PPOX: variants seen among roughly 807,000 people sequenced by gnomAD.
PPOX encodes variegate porphyria.
Under a neutral mutation model 54.1 loss-of-function variants are expected in PPOX, and 23 were observed. The ratio of observed to expected loss-of-function variants is 0.43; its 90% confidence interval spans 0.31 to 0.60. PPOX has a LOEUF of 0.60. Ranked by LOEUF, PPOX falls within the 20% of genes least tolerant of loss-of-function variation. The probability of loss-of-function intolerance (pLI) is 0.13; values close to 1 mark genes in which losing one functional copy is unlikely to be tolerated. For synonymous variants in PPOX, 224 were observed against 236.1 expected (o/e 0.95, Z 0.47); for missense variants, 512 against 601.1 (o/e 0.85, Z 1.55).
At chr1:161,177,227 GCCCAT>G (rs1663948069), downstream of PPOX, 1 of 690,098 alleles carries the variant, frequency 1.4e-6, no homozygotes, top group Non-Finnish European at 2.4e-6. Flanking sequence ...TTCGGAGCAC[GCCCAT>G]CCTATCCCAG....
exon 5 of PPOX, chr1:161,177,006 G>A: frequency 6.5e-7 from 1 of 1,536,060 alleles, no homozygotes; most frequent in Non-Finnish European, 8.7e-7. Context: ...GGGGCTGTAA[G>A]CGAACAGCCC....
At chr1:161,168,613 G>C in intron 6 of PPOX, 37 bp downstream of exon 6, 2 of 1,608,042 alleles carry the variant, frequency 1.2e-6, no homozygotes, top group Non-Finnish European at 1.7e-6. Flanking sequence ...AAAATATTAA[G>C]TACTGCCAAA....
At chr1:161,169,802 C>T (rs1467782989) in intron 8 of PPOX, 82 bp downstream of exon 8, 3 of 1,612,562 alleles carry the variant, frequency 1.9e-6, no homozygotes, top group Non-Finnish European at 1.7e-6. Context: ...AGCAGGACCA[C>T]ACCATGCCCC....
intron 3 of PPOX, 48 bp downstream of exon 3, chr1:161,167,282 A>C (rs1659321274): frequency 6.2e-7 from 1 of 1,614,010 alleles, no homozygotes; most frequent in African/African-American, 1.3e-5. Flanking sequence ...GGGGGCTTCC[A>C]TTGGGGAATA....
At chr1:161,166,295 C>G (rs1318521354), upstream of PPOX, 1 of 1,020,438 alleles carries the variant, frequency 9.8e-7, no homozygotes, top group Non-Finnish European at 1.2e-6. Flanking sequence ...TAACCTCCAG[C>G]TCTTACAGCT....
downstream of PPOX, chr1:161,174,146 G>A (rs562984900): frequency 1.1e-4 from 145 of 1,316,728 alleles, no homozygotes; most frequent in South Asian, 2.6e-4. Context: ...GGTGGCTTAC[G>A]CCTGTAATCC....
At chr1:161,166,738 C>T in intron 1 of PPOX, 66 bp downstream of exon 1, 2 of 1,562,042 alleles carry the variant, frequency 1.3e-6, no homozygotes, top group East Asian at 2.4e-5. Flanking sequence ...ACTTAGTTTC[C>T]CCTAAAGCAG....
chr1:161,168,385 C>T, intron 5 of PPOX, 47 bp from the exon 6 acceptor site: 1 of 1,613,410 alleles, frequency 6.2e-7, no homozygotes, highest in Non-Finnish European at 8.5e-7. Context: ...GGAAATCAGT[C>T]AGTGTAGATT....
At chr1:161,175,310 A>G (rs544679689), downstream of PPOX, 271 of 1,246,678 alleles carry the variant, frequency 2.2e-4, no homozygotes, top group Middle Eastern at 6.4e-4. Context: ...TACCTCTGAC[A>G]CTGGCAGTCT....
chr1:161,174,985 G>A (rs750115218), downstream of PPOX: 1 of 1,612,156 alleles, frequency 6.2e-7, no homozygotes, highest in Non-Finnish European at 8.5e-7. Flanking sequence ...GGTGGAGATT[G>A]GGGGTACCTG....
Position 161,168,973 on chromosome 1 carries a change from C to T in PPOX, c.617-20C>T, listed in dbSNP as rs770313262. 1.2e-6 allele frequency: 2 copies of T among 1,612,908 alleles called. No individual in the cohort carries two copies. Among genetic ancestry groups the T allele is most frequent in the Non-Finnish European group, 1.7e-6 (2 of 1,179,998 alleles). On this transcript the variant is annotated intron_variant, in intron 6 of 12. Coordinates refer to ENST00000367999, the MANE Select transcript of PPOX (RefSeq NM_001122764.3). Reference sequence around the variant, plus strand: ...GCCACTGCATCCAGCCTCAATGATTCTTCTTTGCTTCCTCTGCAGGGCGGA... The same window carrying T: ...GCCACTGCATCCAGCCTCAATGATTTTTCTTTGCTTCCTCTGCAGGGCGGA...
chr1:161,174,615 T>C (rs1662798386), downstream of PPOX, among the ~76,000 whole-genome samples: 1 of 152,208 alleles, frequency 6.6e-6, no homozygotes. Context: ...AATGGTGTGG[T>C]GTGGAACAGA....
chr1:161,170,046 G>C (rs373558397), intron 9 of PPOX, 22 bp downstream of exon 9: 4 of 1,602,456 alleles, frequency 2.5e-6, no homozygotes, highest in Non-Finnish European at 2.6e-6. Context: ...GGACGGAGAG[G>C]CTGGGCATGG....
At chr1:161,165,749 T>G (rs775317632), upstream of PPOX, 7 of 258,934 alleles carry the variant, frequency 2.7e-5, no homozygotes, top group African/African-American at 4.4e-5. Flanking sequence ...TATTTTTGCT[T>G]AGGGGGTGAT....
At chr1:161,172,164 G>A, downstream of PPOX, 2 of 1,611,982 alleles carry the variant, frequency 1.2e-6, no homozygotes, top group Non-Finnish European at 1.7e-6. Context: ...GATTTTCCTG[G>A]CTAGGGGTAC....
In PPOX at chr1:161,169,218, G is replaced by A. The variant is rs753601873; in HGVS notation, c.807+35G>A. The A allele has an allele frequency of 3.1e-6, 5 of 1,609,068 alleles. No homozygotes were observed. The South Asian group carries it at 3.3e-5, about 11-fold the overall frequency. Reference sequence around the variant, plus strand: ...CCCCTGGAGTGTAATGAACCTGTCAGTGTTTCCATCTTTATCCAAGTGGCT... The same window carrying A: ...CCCCTGGAGTGTAATGAACCTGTCAATGTTTCCATCTTTATCCAAGTGGCT... On this transcript the variant is annotated intron_variant, in intron 7 of 12. Coordinates refer to ENST00000367999, the MANE Select transcript of PPOX (RefSeq NM_001122764.3).
downstream of PPOX, among the ~76,000 whole-genome samples, chr1:161,173,202 G>T (rs1426768003): frequency 6.6e-6 from 1 of 152,132 alleles, no homozygotes; most frequent in African/African-American, 2.4e-5. Flanking sequence ...AAATGAGTTG[G>T]CCCTGTGCCA....
chr1:161,174,932 G>A, downstream of PPOX: 4 of 1,522,698 alleles, frequency 2.6e-6, no homozygotes, highest in Admixed American at 1.7e-5. Context: ...AAGTGAAGTG[G>A]CATGTGCTTG....
intron 8 of PPOX, 89 bp from the exon 9 acceptor site, chr1:161,169,817 C>T: frequency 6.2e-7 from 1 of 1,613,946 alleles, no homozygotes; most frequent in Non-Finnish European, 8.5e-7. Context: ...TGCCCCTGAA[C>T]TGGTCATCTC....
Sources: allele counts gnomAD v4.1 joint callset (sites outside exome capture counted in the v4.1 genomes callset), GRCh38; gene constraint gnomAD v4.1.1; transcripts MANE v1.5; gene names NCBI Gene and HGNC (gene_info 2026-07-23, HGNC 2026-07-21).